Variants in TNNI3K observed in about 807,000 individuals in gnomAD.
TNNI3K encodes serine/threonine-protein kinase TNNI3K.
In TNNI3K, 140 loss-of-function variants were observed where a neutral mutation model predicts 114.5. The observed-to-expected ratio is 1.22, with a 90% CI of 1.07 to 1.41. The LOEUF is 1.41. Among genes scored for constraint, TNNI3K ranks in the 40% most tolerant of loss-of-function variants. The pLI is 0.00. For synonymous variants in TNNI3K, 347 were observed against 347.5 expected, an observed-to-expected ratio of 1.00 and a Z score of 0.02; for missense variants, 1,125 against 1,007.6, an observed-to-expected ratio of 1.12 and a Z score of -1.58.
At chr1:74,372,307 G>A (rs183794066) in intron 17 of TNNI3K, 205 of 151,858 alleles carry the variant, frequency 1.3e-3, no homozygotes, top group African/African-American at 4.7e-3. Context: ...CCATGCTCAT[G>A]TCTCTCTGGG....
chr1:74,463,746 T>G (rs571853158), intron 21 of TNNI3K, among the ~76,000 whole-genome samples, 196 bp downstream of exon 21: 21 of 152,332 alleles, frequency 1.4e-4, no homozygotes, highest in Admixed American at 1.3e-3. Flanking sequence ...GCTTTCTGAT[T>G]TTGAAACGTT....
intron 17 of TNNI3K, among the ~76,000 whole-genome samples, chr1:74,386,994 T>C (rs1663516485): frequency 1.3e-5 from 2 of 152,196 alleles, no homozygotes. Context: ...GCCATTTGTT[T>C]ACTTGTAAAT....
chr1:74,298,992 T>G (rs1314175900), intron 5 of TNNI3K, among the ~76,000 whole-genome samples: 2 of 152,144 alleles, frequency 1.3e-5, no homozygotes, highest in Non-Finnish European at 2.9e-5. Flanking sequence ...CTGACAGCTT[T>G]GAAAAGATAT....
chr1:74,488,206 T>G (rs966088861), intron 21 of TNNI3K, among the ~76,000 whole-genome samples: 1 of 152,082 alleles, frequency 6.6e-6, no homozygotes, highest in African/African-American at 2.4e-5. Flanking sequence ...GGAGAAACCA[T>G]TTGGAAGTAG....
intron 17 of TNNI3K, among the ~76,000 whole-genome samples, chr1:74,421,681 T>G (rs999955763): frequency 3.9e-5 from 6 of 151,974 alleles, no homozygotes; most frequent in African/African-American, 1.4e-4. Context: ...CTTAGCTTGA[T>G]TGCTAAGGAT....
At chr1:74,294,442 A>G (rs552052981) in intron 5 of TNNI3K, among the ~76,000 whole-genome samples, 3 of 152,160 alleles carry the variant, frequency 2.0e-5, no homozygotes, top group African/African-American at 7.2e-5. Flanking sequence ...GTTGATACTG[A>G]CACTGGCTCA....
intron 23 of TNNI3K, among the ~76,000 whole-genome samples, chr1:74,514,720 G>T (rs1646323679): frequency 6.6e-6 from 1 of 152,078 alleles, no homozygotes; most frequent in African/African-American, 2.4e-5. Flanking sequence ...AAGAAATTCT[G>T]TTTGGAACTC....
At chr1:74,408,494 C>G (rs1171411806) in intron 17 of TNNI3K, among the ~76,000 whole-genome samples, 1 of 152,198 alleles carries the variant, frequency 6.6e-6, no homozygotes, top group Non-Finnish European at 1.5e-5. Context: ...AATGTGGTTC[C>G]TGCACTCAGT....
At chr1:74,409,370 T>C (rs905523351) in intron 17 of TNNI3K, among the ~76,000 whole-genome samples, 4 of 152,314 alleles carry the variant, frequency 2.6e-5, no homozygotes, top group African/African-American at 9.6e-5. Flanking sequence ...CTACCTTTTT[T>C]TGAGGTTATG....
rs79969151 is a variant in TNNI3K, at chr1:74,293,902, A to G, written c.444+22194A>G. 6.3e-3 allele frequency among the ~76,000 whole-genome samples: 960 copies of G among 151,830 alleles called. 11 individuals carry two copies. Among genetic ancestry groups the G allele is most frequent in the African/African-American group, 0.022 (918 of 41,548 alleles). ...GCTAAGAATTTAGTCCACAATTACT[A>G]TTAACATTAAATTGTTATCAAATAT... On this transcript the variant is annotated intron_variant, in intron 5 of 24. Coordinates refer to ENST00000326637, the MANE Select transcript of TNNI3K (RefSeq NM_015978.3).
intron 21 of TNNI3K, chr1:74,471,354 A>G: frequency 2.5e-6 from 1 of 400,720 alleles, no homozygotes. Context: ...CTTCTGTCTC[A>G]GAAGTTTTGG....
At chr1:74,514,279 A>G (rs188550247) in intron 23 of TNNI3K, among the ~76,000 whole-genome samples, 1 of 152,158 alleles carries the variant, frequency 6.6e-6, no homozygotes, top group African/African-American at 2.4e-5. Context: ...GCGTTTTCAC[A>G]CAATTCTATG....
At chr1:74,297,522 C>CATGT (rs1553128510) in intron 5 of TNNI3K, among the ~76,000 whole-genome samples, 7,593 of 145,448 alleles carry the variant, frequency 0.052, 356 homozygotes, top group African/African-American at 0.12. Context: ...TGTGTGTGTG[C>CATGT]GTGTGTGTGT....
intron 5 of TNNI3K, among the ~76,000 whole-genome samples, chr1:74,327,072 TC>T (rs1659948011): frequency 7.1e-6 from 1 of 140,376 alleles, no homozygotes; most frequent in Non-Finnish European, 1.5e-5. Context: ...AGAGCAAGAC[TC>T]CGTGTCAAAA....
At chr1:74,401,377 A>G (rs950947027) in intron 17 of TNNI3K, among the ~76,000 whole-genome samples, 4 of 152,232 alleles carry the variant, frequency 2.6e-5, no homozygotes, top group Non-Finnish European at 4.4e-5. Context: ...ACTTTACTGT[A>G]TAATTCAGAC....
intron 5 of TNNI3K, among the ~76,000 whole-genome samples, chr1:74,307,382 A>G (rs896718308): frequency 4.6e-5 from 7 of 152,174 alleles, no homozygotes; most frequent in African/African-American, 1.2e-4. Flanking sequence ...CAAGAGACCC[A>G]TCTTGCATGT....
At chr1:74,240,382 G>T (rs1368416107) in intron 2 of TNNI3K, 1 of 152,566 alleles carries the variant, frequency 6.6e-6, no homozygotes, top group African/African-American at 2.4e-5. Context: ...TATTGTTTAT[G>T]TTAACAACCC....
At chr1:74,406,939 C>T (rs1336532947) in intron 17 of TNNI3K, among the ~76,000 whole-genome samples, 3 of 152,300 alleles carry the variant, frequency 2.0e-5, no homozygotes, top group Middle Eastern at 3.4e-3. Context: ...CTCGTTTCTT[C>T]CTTATCCTCT....
rs557264432 is a variant in TNNI3K at position 74,311,337 on chromosome 1, GA to G, written c.445-20105del. ...GAACTTGTAGGCTTCTAGCTGTCAA[GA>G]AAAAAAATCTGTCATATACAGTGAA... On this transcript the variant is annotated intron_variant, in intron 5 of 24. Transcript: ENST00000326637. 1.3e-4 allele frequency among the ~76,000 whole-genome samples: 19 copies of G among 151,672 alleles called. No homozygotes were observed. The South Asian group carries it at 1.5e-3, about 12-fold the overall frequency.
Sources: allele counts gnomAD v4.1 joint callset (sites outside exome capture counted in the v4.1 genomes callset), GRCh38; gene constraint gnomAD v4.1.1; transcripts MANE v1.5; gene names NCBI Gene and HGNC (gene_info 2026-07-23, HGNC 2026-07-21).